The following WWOX variants were observed in gnomAD, a reference collection of about 807,000 sequenced individuals.
The protein encoded by WWOX is WW domain containing oxidoreductase, also known as WW domain-containing oxidoreductase.
A neutral mutation model predicts 46.2 loss-of-function variants in WWOX; 69 were observed. The observed-to-expected ratio is 1.49, with a 90% CI of 1.23 to 1.82. WWOX has a LOEUF of 1.82. Among genes scored for constraint, WWOX ranks in the 40% most tolerant of loss-of-function variants. WWOX has a pLI of 0.00. For missense variants in WWOX, 919 were observed against 542.6 expected, an observed-to-expected ratio of 1.69 and a Z score of -6.89; for synonymous variants, 359 against 202.6, an observed-to-expected ratio of 1.77 and a Z score of -6.56.
At chr16:78,643,401 G>C (rs1284384454) in intron 8 of WWOX, among the ~76,000 whole-genome samples, 4 of 152,096 alleles carry the variant, frequency 2.6e-5, no homozygotes, top group African/African-American at 9.7e-5. Flanking sequence ...GCTAGTTCAG[G>C]GACAGTGCCG....
At chr16:78,627,154 T>G (rs1221891188) in intron 8 of WWOX, among the ~76,000 whole-genome samples, 1 of 152,156 alleles carries the variant, frequency 6.6e-6, no homozygotes, top group East Asian at 1.9e-4. Flanking sequence ...GTAGGCAGTG[T>G]GGGTGAGTTC....
intron 8 of WWOX, among the ~76,000 whole-genome samples, chr16:78,691,782 C>T (rs1442185767): frequency 1.3e-5 from 2 of 152,154 alleles, no homozygotes; most frequent in East Asian, 3.9e-4. Context: ...TTACTATTAG[C>T]TCCCAGTTTA....
intron 5 of WWOX, among the ~76,000 whole-genome samples, chr16:78,182,073 G>A (rs1266498211): frequency 2.6e-5 from 4 of 152,180 alleles, no homozygotes. Context: ...CAACGCATCT[G>A]GAATTTAGCC....
At chr16:78,221,096 G>C (rs887002202) in intron 5 of WWOX, among the ~76,000 whole-genome samples, 1 of 152,086 alleles carries the variant, frequency 6.6e-6, no homozygotes, top group Non-Finnish European at 1.5e-5. Context: ...GTTAAGCTCG[G>C]TTCATCTGGA....
intron 8 of WWOX, among the ~76,000 whole-genome samples, chr16:79,195,585 C>A (rs569140201): frequency 3.2e-4 from 48 of 152,282 alleles, no homozygotes; most frequent in African/African-American, 8.2e-4. Flanking sequence ...TGCTCTGAAG[C>A]CATGCCTCTC....
At chr16:78,606,729 T>G (rs1450501455) in intron 8 of WWOX, among the ~76,000 whole-genome samples, 1 of 150,428 alleles carries the variant, frequency 6.6e-6, no homozygotes, top group Non-Finnish European at 1.5e-5. Flanking sequence ...TTTTTTTTTT[T>G]TTTTTTTTTT....
At chr16:78,539,119 TG>T (rs1704682360) in intron 8 of WWOX, among the ~76,000 whole-genome samples, 2 of 152,252 alleles carry the variant, frequency 1.3e-5, no homozygotes, top group African/African-American at 4.8e-5. Flanking sequence ...TGTGCCTGCC[TG>T]TCTGTAGGCC....
At chr16:78,648,595 A>T (rs1462163376) in intron 8 of WWOX, among the ~76,000 whole-genome samples, 1 of 152,096 alleles carries the variant, frequency 6.6e-6, no homozygotes, top group African/African-American at 2.4e-5. Flanking sequence ...TTTTGTCCCC[A>T]CTTCCAACGC....
At position 78,958,200 on chromosome 16, in the gene WWOX, C is replaced by G. The variant is rs372523954; in HGVS notation, c.1057-253408C>G. ...CTTTTAAGACCGCCAGACTAGCTGACTTAAACACTCAGCTCCAGCTACTTC... is the reference window on the plus strand; with the variant it reads ...CTTTTAAGACCGCCAGACTAGCTGAGTTAAACACTCAGCTCCAGCTACTTC... On this transcript the variant is annotated intron_variant, in intron 8 of 8. Coordinates refer to ENST00000566780, the MANE Select transcript of WWOX (RefSeq NM_016373.4). Among the ~76,000 whole-genome samples the G allele has an allele frequency of 7.2e-5, 11 of 152,270 alleles. No individual in the cohort carries two copies. In the East Asian group the frequency reaches 1.5e-3, roughly 21 times the overall value.
chr16:78,693,122 G>A lies in WWOX; in HGVS notation c.1056+260370G>A, dbSNP rs899171597. On this transcript the variant is annotated intron_variant, in intron 8 of 8. Coordinates refer to ENST00000566780, the MANE Select transcript of WWOX (RefSeq NM_016373.4). ...AAGGTTCAGCAAGATGCTTGTAAAT[G>A]TATGTTGCTTTGTTGCAGACAATGT... Among the ~76,000 whole-genome samples the A allele has an allele frequency of 3.9e-5, 6 of 152,278 alleles. No individual in the cohort carries two copies. The South Asian group carries it at 1.2e-3, about 32-fold the overall frequency.
chr16:78,925,396 C>T (rs13337018), intron 8 of WWOX, among the ~76,000 whole-genome samples: 5,842 of 152,220 alleles, frequency 0.038, 370 homozygotes, highest in African/African-American at 0.13. Context: ...GAAAGGACAG[C>T]TCTCAGGCAA....
intron 5 of WWOX, among the ~76,000 whole-genome samples, chr16:78,191,022 T>A (rs1464800431): frequency 6.6e-6 from 1 of 152,174 alleles, no homozygotes. Flanking sequence ...TGATGGTGAC[T>A]TGTGTCATTC....
chr16:78,125,273 C>A (rs762467614), intron 4 of WWOX, among the ~76,000 whole-genome samples: 3 of 152,120 alleles, frequency 2.0e-5, no homozygotes, highest in African/African-American at 4.8e-5. Flanking sequence ...TGCTTGAGAT[C>A]ATACAGGTCT....
intron 5 of WWOX, among the ~76,000 whole-genome samples, chr16:78,319,140 C>G (rs557514409): frequency 2.0e-5 from 3 of 152,024 alleles, no homozygotes; most frequent in Non-Finnish European, 4.4e-5. Flanking sequence ...GAGAAGGACA[C>G]CGCCACACAT....
intron 5 of WWOX, among the ~76,000 whole-genome samples, chr16:78,199,520 T>C (rs2036165148): frequency 6.6e-6 from 1 of 152,176 alleles, no homozygotes; most frequent in Admixed American, 6.5e-5. Flanking sequence ...ACCTTTGTAC[T>C]ACCCAGGAAA....
At chr16:78,775,734 T>A (rs573395929) in intron 8 of WWOX, among the ~76,000 whole-genome samples, 8 of 152,354 alleles carry the variant, frequency 5.3e-5, no homozygotes, top group African/African-American at 1.7e-4. Context: ...GGTATTATTA[T>A]AATAATCATT....
chr16:78,824,884 G>C (rs534392876), intron 8 of WWOX, among the ~76,000 whole-genome samples: 13 of 152,266 alleles, frequency 8.5e-5, no homozygotes, highest in Non-Finnish European at 1.6e-4. Flanking sequence ...ACAGAACAGA[G>C]AGGAAGCGAC....
intron 8 of WWOX, among the ~76,000 whole-genome samples, chr16:78,753,820 AAAAAAATATATATATATATAT>A (rs1452835843): frequency 1.3e-5 from 1 of 76,532 alleles, no homozygotes; most frequent in African/African-American, 4.8e-5. Flanking sequence ...AAAAAAAAAA[AAAAAAATATATATATATATAT>A]ATATATATAT....
intron 8 of WWOX, among the ~76,000 whole-genome samples, chr16:78,532,357 G>T (rs1354015419): frequency 1.3e-5 from 2 of 152,076 alleles, no homozygotes; most frequent in Admixed American, 1.3e-4. Flanking sequence ...TGTGGCTTTA[G>T]ACCAGCCACC....
Sources: allele counts gnomAD v4.1 joint callset (sites outside exome capture counted in the v4.1 genomes callset), GRCh38; gene constraint gnomAD v4.1.1; transcripts MANE v1.5; gene names NCBI Gene and HGNC (gene_info 2026-07-23, HGNC 2026-07-21).